The following BCL2L13 variants were observed in gnomAD, a reference collection of about 807,000 sequenced individuals.
BCL2L13 encodes BCL2 like 13, also known as bcl-2-like protein 13.
BCL2L13 carries 13 observed loss-of-function variants against 25.8 expected under a neutral mutation model. That is an observed-to-expected ratio of 0.50 (90% CI 0.33 to 0.80). The LOEUF (loss-of-function observed/expected upper bound fraction) is 0.80, where lower values mean the gene tolerates loss of function less well. Ranked by LOEUF, BCL2L13 falls within the 30% of genes least tolerant of loss-of-function variation. The pLI is 0.02. For missense variants in BCL2L13, 504 were observed against 574.9 expected, an observed-to-expected ratio of 0.88 and a Z score of 1.26; for synonymous variants, 244 against 230.3, an observed-to-expected ratio of 1.06 and a Z score of -0.54.
At chr22:17,629,811 A>G (rs2057966733) in intron 1 of BCL2L13, among the ~76,000 whole-genome samples, 1 of 133,274 alleles carries the variant, frequency 7.5e-6, no homozygotes, top group African/African-American at 3.1e-5. Context: ...TTAACACTTT[A>G]TTTTCATACA....
chr22:17,660,855 G>A (rs777250597), intron 2 of BCL2L13, among the ~76,000 whole-genome samples: 1 of 146,150 alleles, frequency 6.8e-6, no homozygotes, highest in African/African-American at 2.4e-5. Flanking sequence ...CACCATCTTG[G>A]CTCATTGCAA....
intron 6 of BCL2L13, among the ~76,000 whole-genome samples, chr22:17,705,108 T>C (rs2060551643): frequency 1.0e-5 from 1 of 97,206 alleles, no homozygotes; most frequent in Non-Finnish European, 2.3e-5. Flanking sequence ...AAGGTTTTGA[T>C]TGATTAAAAA....
intron 6 of BCL2L13, among the ~76,000 whole-genome samples, chr22:17,718,373 A>G (rs560051656): frequency 1.3e-5 from 2 of 152,336 alleles, no homozygotes; most frequent in African/African-American, 4.8e-5. Context: ...GAAGTGATGT[A>G]GAGTTAGTAC....
At chr22:17,668,270 C>A (rs1199309185) in intron 2 of BCL2L13, among the ~76,000 whole-genome samples, 1 of 151,854 alleles carries the variant, frequency 6.6e-6, no homozygotes. Flanking sequence ...ACCTCAGCCT[C>A]CCAAAGTGCT....
chr22:17,649,210 G>T (rs896648583), intron 1 of BCL2L13, among the ~76,000 whole-genome samples: 1 of 151,664 alleles, frequency 6.6e-6, no homozygotes, highest in African/African-American at 2.4e-5. Context: ...CAATTCTCTT[G>T]CCTCAGCCTC....
chr22:17,665,443 C>A (rs1350174800), intron 2 of BCL2L13, among the ~76,000 whole-genome samples: 1 of 152,172 alleles, frequency 6.6e-6, no homozygotes, highest in Non-Finnish European at 1.5e-5. Context: ...CAACTTCTGC[C>A]TGTTTGTTAC....
intron 1 of BCL2L13, among the ~76,000 whole-genome samples, chr22:17,649,654 C>T (rs1352259710): frequency 6.6e-6 from 1 of 151,564 alleles, no homozygotes; most frequent in Non-Finnish European, 1.5e-5. Context: ...AGGCACCTGC[C>T]ACCATGTCTG....
intron 1 of BCL2L13, among the ~76,000 whole-genome samples, chr22:17,652,014 G>A (rs1284359709): frequency 2.0e-5 from 3 of 151,976 alleles, no homozygotes; most frequent in African/African-American, 7.2e-5. Flanking sequence ...ATATCCAACT[G>A]CTTGTTCTGT....
At position 17,655,704 on chromosome 22, in the gene BCL2L13, C is replaced by T; in HGVS notation, c.-8C>T. ...GTAGACCTTTTTGGAGCCTCACCAG[C>T]CAATTCAATGGCGTCCTCTTCTACT... is the stretch of plus-strand genomic sequence containing the variant. On this transcript the variant is annotated 5_prime_UTR_variant, in exon 2 of 7. Coordinates refer to ENST00000317582, the MANE Select transcript of BCL2L13 (RefSeq NM_015367.4). 2 of 1,610,118 alleles carry T rather than the reference C, an allele frequency of 1.2e-6. No individual in the cohort carries two copies. Among genetic ancestry groups the T allele is most frequent in the Non-Finnish European group, 1.7e-6 (2 of 1,178,296 alleles).
At chr22:17,678,825 T>G (rs900123005) in intron 2 of BCL2L13, among the ~76,000 whole-genome samples, 2 of 152,214 alleles carry the variant, frequency 1.3e-5, no homozygotes, top group East Asian at 3.8e-4. Flanking sequence ...AGTCAATGTT[T>G]CTTCAGTGGA....
At chr22:17,699,769 C>CA (rs1431715132) in intron 5 of BCL2L13, among the ~76,000 whole-genome samples, 1 of 151,066 alleles carries the variant, frequency 6.6e-6, no homozygotes, top group Non-Finnish European at 1.5e-5. Context: ...GATGAGAGTC[C>CA]AAAAAAAATC....
chr22:17,670,155 T>G (rs1036207006), intron 2 of BCL2L13, among the ~76,000 whole-genome samples: 2 of 152,182 alleles, frequency 1.3e-5, no homozygotes, highest in Non-Finnish European at 2.9e-5. Flanking sequence ...ACTATTTTTA[T>G]TGCTGTAGCT....
intron 2 of BCL2L13, among the ~76,000 whole-genome samples, chr22:17,661,492 A>AC (rs1234581841): frequency 6.8e-6 from 1 of 146,150 alleles, no homozygotes; most frequent in Non-Finnish European, 1.6e-5. Context: ...ATAAAGGTTG[A>AC]ACCTCTGTCC....
At chr22:17,726,072 G>A (rs1266507377) in intron 6 of BCL2L13, among the ~76,000 whole-genome samples, 3 of 152,010 alleles carry the variant, frequency 2.0e-5, no homozygotes, top group Admixed American at 6.6e-5. Context: ...ATTTTGGGCC[G>A]GGCACAGTGG....
rs1196700933 is a variant in BCL2L13, at chr22:17,727,668, T to TGGCATGTTA, written c.*146_*154dup. On this transcript the variant is annotated 3_prime_UTR_variant, in exon 7 of 7. Transcript: ENST00000317582. Reference sequence around the variant, plus strand: ...TGGGGACTTCTGCTCAACATGGCAGTGGCATGTTAGGCATGTTAGGGCTTG... The same window carrying TGGCATGTTA: ...TGGGGACTTCTGCTCAACATGGCAGTGGCATGTTAGGCATGTTAGGCATGTTAGGGCTTG... The TGGCATGTTA allele has an allele frequency of 3.9e-6, 5 of 1,276,144 alleles. No homozygotes were observed. The highest frequency in any genetic ancestry group is 2.8e-5 in the South Asian group (2 of 70,444). The allele number at this position is 1,276,144 out of a possible 1,614,324, so 79.1% of individuals were successfully genotyped here.
At chr22:17,628,910 T>C (rs895424551), upstream of BCL2L13, 5 of 510,470 alleles carry the variant, frequency 9.8e-6, no homozygotes, top group African/African-American at 7.6e-5. Context: ...CTGACCGGTA[T>C]TTTTTTCCTA....
intron 1 of BCL2L13, among the ~76,000 whole-genome samples, chr22:17,631,259 G>A (rs569020521): frequency 2.8e-4 from 43 of 151,812 alleles, no homozygotes; most frequent in Admixed American, 1.1e-3. Context: ...ACCACGCCCC[G>A]CTAATTTTTT....
chr22:17,635,426 T>A (rs79875656), upstream of BCL2L13, among the ~76,000 whole-genome samples: 1 of 115,984 alleles, frequency 8.6e-6, no homozygotes, highest in Non-Finnish European at 2.2e-5. Context: ...ACTGCTGTGA[T>A]TAAAGTCAAA....
intron 6 of BCL2L13, among the ~76,000 whole-genome samples, chr22:17,716,352 A>G (rs575173897): frequency 5.3e-4 from 81 of 152,332 alleles, no homozygotes; most frequent in African/African-American, 1.9e-3. Flanking sequence ...AATACCTTTC[A>G]TCATATTTGC....
Sources: gnomAD v4.1 joint callset for allele counts (sites outside exome capture counted in the v4.1 genomes callset) on GRCh38, gnomAD v4.1.1 for gene constraint, MANE v1.5 for transcripts, NCBI Gene and HGNC (gene_info 2026-07-23, HGNC 2026-07-21) for gene names.